The following STRN3 variants were observed in gnomAD, a reference collection of about 807,000 sequenced individuals.
STRN3 encodes the protein striatin-3.
STRN3 carries 29 observed loss-of-function variants against 95.6 expected under a neutral mutation model. The observed-to-expected ratio is 0.30, with a 90% CI of 0.23 to 0.41. The LOEUF (loss-of-function observed/expected upper bound fraction) is 0.41. Among genes scored for constraint, STRN3 ranks in the 10% least tolerant of loss-of-function variants. The probability of loss-of-function intolerance (pLI) is 1.00; values close to 1 mark genes in which losing one functional copy is unlikely to be tolerated. For synonymous variants in STRN3, 331 were observed against 357.6 expected (o/e 0.93, Z 0.84); for missense variants, 890 against 972.1 (o/e 0.92, Z 1.12).
chr14:30,991,639 C>A (rs575838832), intron 1 of STRN3, among the ~76,000 whole-genome samples: 36 of 152,178 alleles, frequency 2.4e-4, no homozygotes, highest in Non-Finnish European at 4.6e-4. Flanking sequence ...GGAGAAGATA[C>A]ACTAACTTTA....
rs76979067 is a variant in STRN3 at position 30,963,411 on chromosome 14, A to G, written c.283-7169T>C. On this transcript the variant is annotated intron_variant, in intron 1 of 17. Coordinates refer to ENST00000357479, the MANE Select transcript of STRN3 (RefSeq NM_001083893.2). ...TTGAGTCACAAGTTAAGTCTAAATA[A>G]CTTTTTAATTTTTTTGAAACAGGGT... 5.8e-3 allele frequency among the ~76,000 whole-genome samples: 890 copies of G among 152,226 alleles called. 7 individuals are homozygous for G. Among genetic ancestry groups the G allele is most frequent in the East Asian group, 0.032 (166 of 5,180 alleles).
chr14:30,896,939 G>GTAATGGTAATATAT (rs1896170157), intron 16 of STRN3, among the ~76,000 whole-genome samples: 1 of 152,174 alleles, frequency 6.6e-6, no homozygotes, highest in Non-Finnish European at 1.5e-5. Flanking sequence ...TTGGGGCAAG[G>GTAATGGTAATATAT]GCATCCTGCA....
At chr14:31,025,846 A>AC (rs1012155048) in intron 1 of STRN3, 58 bp downstream of exon 1, 13 of 1,553,788 alleles carry the variant, frequency 8.4e-6, no homozygotes, top group Admixed American at 7.7e-5. Flanking sequence ...CCCCAGCCCC[A>AC]CCCCCCGGCC....
intron 1 of STRN3, among the ~76,000 whole-genome samples, chr14:30,999,353 T>C (rs1882342635): frequency 1.3e-5 from 2 of 152,156 alleles, no homozygotes; most frequent in Admixed American, 1.3e-4. Context: ...AGCCCTAGAC[T>C]AAGACTTCAA....
chr14:30,926,704 AT>A lies in STRN3; in HGVS notation c.1099+2496del, dbSNP rs1317143597. ...TTTTATGATTATATAAGCAAAATTC[AT>A]TTTTTTGAAAAAACAGATATGAAAT... On this transcript the variant is annotated intron_variant, in intron 8 of 17. Transcript: ENST00000357479. Among the ~76,000 whole-genome samples the A allele has an allele frequency of 2.6e-5, 4 of 151,970 alleles. No individual in the cohort carries two copies. In the South Asian group the frequency reaches 8.3e-4, roughly 31 times the overall value.
At chr14:30,969,204 G>A (rs1880701255) in intron 1 of STRN3, among the ~76,000 whole-genome samples, 1 of 152,200 alleles carries the variant, frequency 6.6e-6, no homozygotes, top group South Asian at 2.1e-4. Context: ...GGGAGGCCGA[G>A]GAGGGCAAAT....
chr14:30,985,616 T>G (rs1390475815), intron 1 of STRN3, among the ~76,000 whole-genome samples: 1 of 151,568 alleles, frequency 6.6e-6, no homozygotes, highest in South Asian at 2.1e-4. Context: ...AAAAAAAAAT[T>G]GATCTTTGGT....
At chr14:30,964,225 A>C (rs1482247096) in intron 1 of STRN3, 1 of 152,238 alleles carries the variant, frequency 6.6e-6, no homozygotes, top group Non-Finnish European at 1.5e-5. Context: ...TCTCCGTCTA[A>C]AAAAGAAAAA....
chr14:30,981,070 G>T (rs1881371443), intron 1 of STRN3, among the ~76,000 whole-genome samples: 1 of 152,072 alleles, frequency 6.6e-6, no homozygotes, highest in African/African-American at 2.4e-5. Context: ...CACTCTGAGA[G>T]GCCCAGGCAG....
intron 1 of STRN3, among the ~76,000 whole-genome samples, chr14:31,015,291 G>A (rs567471864): frequency 3.6e-4 from 54 of 151,968 alleles, no homozygotes; most frequent in Non-Finnish European, 6.0e-4. Flanking sequence ...GTTTTGTTCC[G>A]TTTGCCTATG....
At chr14:30,953,108 A>C (rs914600223) in intron 3 of STRN3, among the ~76,000 whole-genome samples, 14 of 152,240 alleles carry the variant, frequency 9.2e-5, no homozygotes, top group Admixed American at 2.6e-4. Context: ...TAGAAAATAT[A>C]TACCTATTTA....
intron 1 of STRN3, among the ~76,000 whole-genome samples, chr14:30,981,805 G>T (rs1296972531): frequency 6.6e-6 from 1 of 152,074 alleles, no homozygotes; most frequent in Non-Finnish European, 1.5e-5. Flanking sequence ...ATTGATAAAA[G>T]AATTCCAGGC....
chr14:30,957,330 G>C (rs1879965277), intron 1 of STRN3, among the ~76,000 whole-genome samples: 1 of 151,708 alleles, frequency 6.6e-6, no homozygotes, highest in South Asian at 2.1e-4. Context: ...GTGGGTGCCT[G>C]TAGTCCCAGC....
chr14:30,991,520 A>G (rs1050525014), intron 1 of STRN3, among the ~76,000 whole-genome samples: 1 of 152,186 alleles, frequency 6.6e-6, no homozygotes, highest in African/African-American at 2.4e-5. Flanking sequence ...TTGCAGGCTC[A>G]AAAATGTTTT....
chr14:30,947,130 C>T lies in STRN3; in HGVS notation c.676G>A (p.Gly226Arg), dbSNP rs372912939. The part of the protein sequence containing the change: ...ETKNLEQILN[G>R]GESPKQKGQE... ...CCCTTTTGCTTAGGAGATTCACCTC[C>T]ATTCAGGATCTGTTCTAAATTCTTT... is the stretch of plus-strand genomic sequence containing the variant. Residue 226 changes from glycine to arginine, a missense_variant, in exon 5 of 18, where the codon GGA (glycine) becomes AGA (arginine). This residue lies in a region of STRN3 where 526 missense variants were observed against 526.3 expected (regional missense o/e 1.00). Transcript: ENST00000357479. 1.1e-5 allele frequency: 18 copies of T among 1,607,120 alleles called. No individual in the cohort carries two copies. The highest frequency in any genetic ancestry group is 1.5e-5 in the Non-Finnish European group (18 of 1,178,084).
At chr14:31,007,878 T>A (rs1882789530) in intron 1 of STRN3, among the ~76,000 whole-genome samples, 2 of 151,962 alleles carry the variant, frequency 1.3e-5, no homozygotes, top group South Asian at 4.2e-4. Flanking sequence ...GGCAGCAGGG[T>A]AAGACCCTGT....
At chr14:30,992,561 T>G (rs1212209190) in intron 1 of STRN3, among the ~76,000 whole-genome samples, 2 of 79,956 alleles carry the variant, frequency 2.5e-5, no homozygotes, top group African/African-American at 5.2e-5. Context: ...GGCCCCTGTC[T>G]CTTTAAAAAA....
Position 30,947,254 on chromosome 14 carries a change from C to A in STRN3, c.552G>T (p.Gln184His). ...ATATTGTATCTGTATAACCTACTTC[C>A]TGAAGATACCTGTAAGAGAAAATAA... ...QGRQLLRQYL[Q>H]EVGYTDTILD... Residue 184 changes from glutamine (Q) to histidine (H), a missense_variant, in exon 5 of 18, where the codon CAG becomes CAT. Physicochemically the swap from Gln to His is conservative, Grantham distance 24 (BLOSUM62 0). Around this residue, in one of 3 missense-constraint regions of STRN3, gnomAD observed 526 missense variants for 526.3 expected, o/e 1.00. Coordinates refer to ENST00000357479, the MANE Select transcript of STRN3 (RefSeq NM_001083893.2). 6.3e-7 allele frequency: 1 copy of A among 1,582,288 alleles called. No individual in the cohort carries two copies. Among genetic ancestry groups the A allele is most frequent in the Non-Finnish European group, 8.6e-7 (1 of 1,168,842 alleles).
rs371829950 is a variant in STRN3 at position 30,895,391 on chromosome 14, C to T, written c.*20G>A. On this transcript the variant is annotated 3_prime_UTR_variant, in exon 18 of 18. Coordinates refer to ENST00000357479, the MANE Select transcript of STRN3 (RefSeq NM_001083893.2). ...CTTTCTGTCCAAGCAAATCTTGTTA[C>T]GATGCAAGTTTTTGTTGATTCATAC... The T allele has an allele frequency of 1.9e-5, 30 of 1,580,964 alleles. No individual in the cohort carries two copies. Among genetic ancestry groups the T allele is most frequent in the Middle Eastern group, 1.7e-4 (1 of 5,938 alleles).
Sources: gnomAD v4.1 joint callset for allele counts (sites outside exome capture counted in the v4.1 genomes callset) on GRCh38, gnomAD v4.1.1 for gene constraint, gnomAD v4.1.1 regional missense constraint, MANE v1.5 for transcripts, NCBI Gene and HGNC (gene_info 2026-07-23, HGNC 2026-07-21) for gene names.